DNAH14: variants seen among roughly 807,000 people sequenced by gnomAD.
DNAH14 encodes the protein axonemal beta dynein heavy chain 14.
Under a neutral mutation model 520.9 loss-of-function variants are expected in DNAH14, and 478 were observed. The observed-to-expected ratio is 0.92, with a 90% CI of 0.85 to 0.99. The LOEUF is 0.99. DNAH14 is among the 50% of genes least tolerant of loss of function. DNAH14 has a pLI of 0.00. For missense variants in DNAH14, 4,831 were observed against 5,234.5 expected (o/e 0.92, Z 2.38); for synonymous variants, 1,581 against 1,757.2 (o/e 0.90, Z 2.51).
chr1:225,353,798 T>C lies in DNAH14; in HGVS notation c.11534-5T>C, dbSNP rs754390346. The C allele has an allele frequency of 3.6e-5, 51 of 1,424,872 alleles. 1 individual carries two copies. In the South Asian group the frequency reaches 6.5e-4, roughly 18 times the overall value. 88.3% of individuals were successfully genotyped at this position (1,424,872 alleles called of 1,614,324 possible). A position where few individuals can be genotyped will look rare whatever the true frequency, so the allele number is the denominator to read the frequency against. On this transcript the variant is annotated splice_polypyrimidine_tract_variant and splice_region_variant and intron_variant, in intron 72 of 85. Transcript: ENST00000682510. ...TGCCAGTTTCTTTCTCTAAATTATA[T>C]CTAGCTGAACTTTTGAATGAAAATA...
chr1:225,136,879 AC>A (rs1164762514), intron 27 of DNAH14, among the ~76,000 whole-genome samples: 1 of 151,532 alleles, frequency 6.6e-6, no homozygotes, highest in East Asian at 1.9e-4. Flanking sequence ...ATTATTTTCT[AC>A]CTCTCTTATT....
rs181736947 is a variant in DNAH14, at chr1:225,265,704, A to G, written c.7410+335A>G. 9.7e-4 allele frequency among the ~76,000 whole-genome samples: 147 copies of G among 152,218 alleles called. 2 individuals carry two copies. In the East Asian group the frequency reaches 0.026, roughly 27 times the overall value. On this transcript the variant is annotated intron_variant, in intron 48 of 85. Transcript: ENST00000682510. ...TGTGACCATGGCTTGGGACTCTAAG[A>G]GTTTCAATTCAATTTCAGGAGCTTT...
Position 224,955,088 on chromosome 1 carries a change from G to A in DNAH14, c.207G>A (p.Glu69=), listed in dbSNP as rs755313029. 2.0e-5 allele frequency: 32 copies of A among 1,609,166 alleles called. No individual in the cohort carries two copies. The highest frequency in any genetic ancestry group is 2.7e-5 in the Non-Finnish European group (32 of 1,177,968). ...CATTCTCTGAATCTTTGAAGTCAGA[G>A]AAAACAGAAGGTATTTATCAAGATT... ...VRTFSESLKS[E]KTEDYLRESI... Residue 69 remains glutamate (E), a synonymous_variant, in exon 3 of 86, where the codon GAG becomes GAA. Coordinates refer to ENST00000682510, the MANE Select transcript of DNAH14 (RefSeq NM_001367479.1).
intron 8 of DNAH14, among the ~76,000 whole-genome samples, chr1:224,998,646 A>AGTT (rs150953013): frequency 0.095 from 14,364 of 151,336 alleles, 2,086 homozygotes; most frequent in African/African-American, 0.32. Flanking sequence ...AAATGTGTTG[A>AGTT]GTTGTTGTTG....
intron 75 of DNAH14, among the ~76,000 whole-genome samples, chr1:225,362,430 C>G (rs916260203): frequency 1.3e-5 from 2 of 152,006 alleles, no homozygotes; most frequent in Non-Finnish European, 2.9e-5. Flanking sequence ...CAAAAATTAG[C>G]CGGGCGTGGT....
chr1:225,354,232 T>C (rs2095405736), intron 73 of DNAH14: 6 of 701,930 alleles, frequency 8.5e-6, no homozygotes, highest in Non-Finnish European at 1.3e-5. Context: ...ACCTTGGTCC[T>C]GTAGGGAGAG....
At chr1:225,314,884 T>C (rs1270940787) in intron 60 of DNAH14, among the ~76,000 whole-genome samples, 1 of 152,202 alleles carries the variant, frequency 6.6e-6, no homozygotes, top group African/African-American at 2.4e-5. Context: ...TTCCTTCATT[T>C]CAACCTTGGT....
chr1:225,177,069 A>G (rs921085555), intron 36 of DNAH14, among the ~76,000 whole-genome samples: 9 of 152,204 alleles, frequency 5.9e-5, no homozygotes, highest in Admixed American at 5.9e-4. Flanking sequence ...GGCTTTGATC[A>G]AAAGCCTGAT....
chr1:225,255,924 G>A (rs907887086), intron 44 of DNAH14, among the ~76,000 whole-genome samples: 5 of 152,028 alleles, frequency 3.3e-5, no homozygotes, highest in East Asian at 3.8e-4. Flanking sequence ...AAAATACAAC[G>A]GAAGTAAAAG....
At chr1:224,948,797 T>C (rs1159374524) in intron 1 of DNAH14, among the ~76,000 whole-genome samples, 1 of 152,166 alleles carries the variant, frequency 6.6e-6, no homozygotes, top group Non-Finnish European at 1.5e-5. Context: ...TCCATCTGTT[T>C]TTCTTCCCCC....
Position 225,237,120 on chromosome 1 carries a change from A to C in DNAH14, c.6519-3473A>C, listed in dbSNP as rs928702022. Among the ~76,000 whole-genome samples, 9 of 152,076 alleles carry C rather than the reference A, an allele frequency of 5.9e-5. No homozygotes were observed. The South Asian group carries it at 1.9e-3, about 31-fold the overall frequency. The stretch of plus-strand genomic sequence containing the variant: ...ATGAGATGAGTTTCTTGAAGGCAGC[A>C]TACCAATGGGTCTTGTGTGAATTTA... On this transcript the variant is annotated intron_variant, in intron 42 of 85. Transcript: ENST00000682510.
intron 1 of DNAH14, among the ~76,000 whole-genome samples, chr1:224,936,829 A>G (rs1157453135): frequency 1.3e-5 from 2 of 152,000 alleles, no homozygotes; most frequent in Non-Finnish European, 2.9e-5. Flanking sequence ...ACAAAATTCT[A>G]GCAAAATGAA....
intron 81 of DNAH14, among the ~76,000 whole-genome samples, chr1:225,381,827 T>G (rs1305835218): frequency 6.6e-6 from 1 of 152,270 alleles, no homozygotes; most frequent in African/African-American, 2.4e-5. Context: ...TGGCAGTTCA[T>G]GTCAAAGTAG....
Position 225,155,798 on chromosome 1 carries a change from T to C in DNAH14, c.5273+1972T>C, listed in dbSNP as rs537784157. Among the ~76,000 whole-genome samples, 11 of 152,256 alleles carry C rather than the reference T, an allele frequency of 7.2e-5. No individual in the cohort carries two copies. The South Asian group carries it at 1.9e-3, about 26-fold the overall frequency. On this transcript the variant is annotated intron_variant, in intron 34 of 85. Transcript: ENST00000682510. Reference sequence around the variant, plus strand: ...CTGCCCTAAATGTGACAGCCCCATTTCTTTGATTCCTTTAAAGCACCACAG... The same window carrying C: ...CTGCCCTAAATGTGACAGCCCCATTCCTTTGATTCCTTTAAAGCACCACAG...
intron 17 of DNAH14, among the ~76,000 whole-genome samples, chr1:225,072,911 C>T (rs1338465923): frequency 6.6e-6 from 1 of 151,932 alleles, no homozygotes; most frequent in Admixed American, 6.6e-5. Context: ...GACCAGCTGC[C>T]AGCCTGAATG....
At position 225,060,080 on chromosome 1, in the gene DNAH14, C is replaced by G. The variant is rs552856297; in HGVS notation, c.2424+8285C>G. ...TGAAGTTGAATGTTGGCCTGCCTTG[C>G]TAGATTGGGAAGTTCTCCTGGATAA... On this transcript the variant is annotated intron_variant, in intron 17 of 85. Transcript: ENST00000682510. Among the ~76,000 whole-genome samples, 425 of 152,208 alleles carry G rather than the reference C, an allele frequency of 2.8e-3. 3 individuals are homozygous for G. Among genetic ancestry groups the G allele is most frequent in the African/African-American group, 9.7e-3 (403 of 41,524 alleles).
At chr1:225,224,164 G>A (rs2090318214) in intron 41 of DNAH14, among the ~76,000 whole-genome samples, 1 of 151,934 alleles carries the variant, frequency 6.6e-6, no homozygotes, top group Non-Finnish European at 1.5e-5. Flanking sequence ...CATAACTACT[G>A]ATAAGTTACG....
intron 21 of DNAH14, among the ~76,000 whole-genome samples, chr1:225,086,413 C>A (rs1157359073): frequency 6.6e-6 from 1 of 152,156 alleles, no homozygotes; most frequent in Admixed American, 6.5e-5. Context: ...GGATTACAGG[C>A]ATGAGCCACC....
In DNAH14 at chr1:225,392,438, G is replaced by A; in HGVS notation, c.13478G>A (p.Arg4493Lys). The change falls in exon 84 of 86, where the codon AGG becomes AAG. Residue 4493 changes from arginine to lysine, a missense_variant. Arg to Lys is a conservative substitution (Grantham distance 26). Transcript: ENST00000682510. The stretch of plus-strand genomic sequence containing the variant: ...ATGCCAAAGAAACTCAACATAGTCA[G>A]GAGAGCGTTTAAGGTACTGGAATAC... ...VFMPKKLNIV[R>K]RAFKGSASSH... 1 of 1,551,822 alleles carries A rather than the reference G, an allele frequency of 6.4e-7. No individual in the cohort carries two copies.
Sources: allele counts gnomAD v4.1 joint callset (sites outside exome capture counted in the v4.1 genomes callset), GRCh38; gene constraint gnomAD v4.1.1; transcripts MANE v1.5; gene names NCBI Gene and HGNC (gene_info 2026-07-23, HGNC 2026-07-21).